The following GSK3B variants were observed in gnomAD, a reference collection of about 807,000 sequenced individuals.
The protein encoded by GSK3B is glycogen synthase kinase-3 beta.
Under a neutral mutation model 56.4 loss-of-function variants are expected in GSK3B, and 15 were observed. The observed-to-expected ratio is 0.27, with a 90% CI of 0.18 to 0.41. GSK3B has a LOEUF of 0.41. Ranked by LOEUF, GSK3B falls within the 10% of genes least tolerant of loss-of-function variation. GSK3B has a pLI of 1.00. For missense variants in GSK3B, 300 were observed against 513.4 expected (o/e 0.58, Z 4.02); for synonymous variants, 181 against 188.9 (o/e 0.96, Z 0.34).
At chr3:120,035,155 G>C (rs1461752542) in intron 1 of GSK3B, among the ~76,000 whole-genome samples, 1 of 152,060 alleles carries the variant, frequency 6.6e-6, no homozygotes, top group Non-Finnish European at 1.5e-5. Flanking sequence ...TATGACTGGT[G>C]TCCTTACAAA....
rs544899077 is a variant in GSK3B, at chr3:119,969,784, T to C, written c.283-22433A>G. On this transcript the variant is annotated intron_variant, in intron 2 of 10. Coordinates refer to ENST00000264235, the MANE Select transcript of GSK3B (RefSeq NM_001146156.2). ...GTCTAAACATTTATCCACGGTTTCATTTTCCGTGGATACATTTTCCACAAT... is the reference window on the plus strand; with the variant it reads ...GTCTAAACATTTATCCACGGTTTCACTTTCCGTGGATACATTTTCCACAAT... Among the ~76,000 whole-genome samples, 5 of 152,340 alleles carry C rather than the reference T, an allele frequency of 3.3e-5. No individual in the cohort carries two copies. In the South Asian group the frequency reaches 8.3e-4, roughly 25 times the overall value.
intron 8 of GSK3B, among the ~76,000 whole-genome samples, chr3:119,875,245 A>C (rs986986018): frequency 6.6e-6 from 1 of 152,066 alleles, no homozygotes; most frequent in African/African-American, 2.4e-5. Flanking sequence ...ATGAGATTAT[A>C]AGAACTTGAA....
At chr3:120,009,089 A>G (rs1013948589) in intron 1 of GSK3B, among the ~76,000 whole-genome samples, 2 of 152,254 alleles carry the variant, frequency 1.3e-5, no homozygotes, top group Non-Finnish European at 2.9e-5. Context: ...AAAAATGCTC[A>G]TCGTCACTGG....
chr3:119,945,165 G>A (rs763164660), intron 3 of GSK3B, among the ~76,000 whole-genome samples: 15 of 152,156 alleles, frequency 9.9e-5, no homozygotes, highest in South Asian at 6.2e-4. Flanking sequence ...TTGAACCTAT[G>A]TATTTCTGCA....
At chr3:119,882,155 G>T (rs928992998) in intron 7 of GSK3B, among the ~76,000 whole-genome samples, 4 of 144,444 alleles carry the variant, frequency 2.8e-5, no homozygotes, top group African/African-American at 7.6e-5. Flanking sequence ...TACAATTCTT[G>T]TTTTTTTTTT....
At chr3:119,990,355 G>C (rs957009560) in intron 2 of GSK3B, among the ~76,000 whole-genome samples, 4 of 152,086 alleles carry the variant, frequency 2.6e-5, no homozygotes, top group Non-Finnish European at 5.9e-5. Context: ...TATACTCTTA[G>C]TCTGTAAGAG....
chr3:120,094,395 G>A lies in GSK3B; in HGVS notation c.-961C>T. 3.1e-6 allele frequency: 1 copy of A among 325,222 alleles called. No individual in the cohort carries two copies. Among genetic ancestry groups the A allele is most frequent in the South Asian group, 3.9e-5 (1 of 25,814 alleles). 20.1% of individuals were successfully genotyped at this position (325,222 alleles called of 1,614,324 possible). ...TTGTCACTTGGCCCGGGCGGCGGCG[G>A]CGGCGGCGGCGGCACAAGCCCGCAT... On this transcript the variant is annotated 5_prime_UTR_variant, in exon 1 of 11. Transcript: ENST00000264235.
intron 1 of GSK3B, among the ~76,000 whole-genome samples, chr3:120,023,398 A>G (rs1413723135): frequency 2.0e-5 from 3 of 151,274 alleles, no homozygotes; most frequent in Admixed American, 6.6e-5. Flanking sequence ...CTACAAAACA[A>G]AAATTTGTAG....
chr3:119,976,379 A>T (rs991647833), intron 2 of GSK3B, among the ~76,000 whole-genome samples: 27 of 152,234 alleles, frequency 1.8e-4, no homozygotes, highest in African/African-American at 6.0e-4. Context: ...ATACAATGGA[A>T]TATTATTCAG....
intron 2 of GSK3B, among the ~76,000 whole-genome samples, chr3:119,969,048 T>C (rs553543791): frequency 2.4e-4 from 36 of 152,200 alleles, no homozygotes; most frequent in African/African-American, 8.4e-4. Context: ...TCCCAGCACT[T>C]GGGGAGGCGG....
chr3:119,951,575 A>C (rs1262407706), intron 2 of GSK3B, among the ~76,000 whole-genome samples: 2 of 152,216 alleles, frequency 1.3e-5, no homozygotes, highest in Non-Finnish European at 2.9e-5. Flanking sequence ...GTCTCAAAAA[A>C]ATTCAGAACC....
intron 1 of GSK3B, among the ~76,000 whole-genome samples, chr3:120,011,745 C>T (rs893218967): frequency 6.6e-6 from 1 of 152,040 alleles, no homozygotes; most frequent in South Asian, 2.1e-4. Flanking sequence ...CAAGGAAAAG[C>T]GCATTACCAT....
intron 10 of GSK3B, among the ~76,000 whole-genome samples, chr3:119,836,131 G>A (rs149280717): frequency 1.5e-3 from 232 of 152,320 alleles, no homozygotes; most frequent in Middle Eastern, 3.4e-3. Context: ...ATAGCCAAAT[G>A]AATTTTTAGA....
At chr3:119,950,467 T>G (rs1435072719) in intron 2 of GSK3B, among the ~76,000 whole-genome samples, 1 of 152,098 alleles carries the variant, frequency 6.6e-6, no homozygotes, top group Non-Finnish European at 1.5e-5. Context: ...GGCAGAAGGA[T>G]AATGGCTAGA....
At chr3:120,026,107 C>T (rs1388453912) in intron 1 of GSK3B, among the ~76,000 whole-genome samples, 1 of 152,088 alleles carries the variant, frequency 6.6e-6, no homozygotes. Context: ...CCTCCTACCC[C>T]CAAATATACC....
intron 1 of GSK3B, among the ~76,000 whole-genome samples, chr3:120,080,146 C>G (rs1265805406): frequency 6.6e-6 from 1 of 151,926 alleles, no homozygotes; most frequent in Non-Finnish European, 1.5e-5. Flanking sequence ...CAAAAATGAG[C>G]CAGGCATGGT....
chr3:119,909,662 A>G (rs569827222), intron 6 of GSK3B, among the ~76,000 whole-genome samples: 1 of 152,382 alleles, frequency 6.6e-6, no homozygotes, highest in South Asian at 2.1e-4. Context: ...ATTAAAGCTA[A>G]TGGTCTCTAT....
In GSK3B at chr3:119,920,976, T is replaced by C. The variant is rs184273693; in HGVS notation, c.477+2397A>G. ...CCTCTAGCATCCAGACTGTGGTCTCTAAATACCACCTCCCACTAAAAGAAC... is the reference window on the plus strand; with the variant it reads ...CCTCTAGCATCCAGACTGTGGTCTCCAAATACCACCTCCCACTAAAAGAAC... On this transcript the variant is annotated intron_variant, in intron 4 of 10. Transcript: ENST00000264235. 1.7e-3 allele frequency among the ~76,000 whole-genome samples: 264 copies of C among 152,342 alleles called. 2 individuals carry two copies. Among genetic ancestry groups the C allele is most frequent in the African/African-American group, 6.0e-3 (249 of 41,586 alleles).
At chr3:119,847,311 T>C (rs898532085) in intron 9 of GSK3B, among the ~76,000 whole-genome samples, 2 of 149,202 alleles carry the variant, frequency 1.3e-5, no homozygotes, top group Non-Finnish European at 3.0e-5. Context: ...AAAGAATAAG[T>C]TTAAAAAAAA....
Sources: allele counts gnomAD v4.1 joint callset (sites outside exome capture counted in the v4.1 genomes callset), GRCh38; gene constraint gnomAD v4.1.1; transcripts MANE v1.5; gene names NCBI Gene and HGNC (gene_info 2026-07-23, HGNC 2026-07-21).